LRMDA: variants seen among roughly 807,000 people sequenced by gnomAD.
The protein encoded by LRMDA is leucine-rich melanocyte differentiation-associated protein.
In LRMDA, 18 loss-of-function variants were observed where a neutral mutation model predicts 29.8. That is an observed-to-expected ratio of 0.60 (90% CI 0.42 to 0.90). LRMDA has a LOEUF of 0.90. Among genes scored for constraint, LRMDA ranks in the 40% least tolerant of loss-of-function variants. LRMDA has a pLI of 0.00. For missense variants in LRMDA, 273 were observed against 273.9 expected, an observed-to-expected ratio of 1.00 and a Z score of 0.02; for synonymous variants, 125 against 109.4, an observed-to-expected ratio of 1.14 and a Z score of -0.89.
chr10:76,132,261 G>A (rs1018150170), intron 5 of LRMDA, among the ~76,000 whole-genome samples: 5 of 152,162 alleles, frequency 3.3e-5, no homozygotes, highest in African/African-American at 9.7e-5. Context: ...AAGCAGGAAG[G>A]CAGGGTGAGA....
chr10:75,653,619 C>G (rs1316493744), intron 2 of LRMDA, among the ~76,000 whole-genome samples: 1 of 152,154 alleles, frequency 6.6e-6, no homozygotes, highest in Non-Finnish European at 1.5e-5. Flanking sequence ...GTGGGTTGCC[C>G]TTGCATGTGC....
At chr10:76,144,124 G>A (rs993631601) in intron 5 of LRMDA, among the ~76,000 whole-genome samples, 12 of 152,276 alleles carry the variant, frequency 7.9e-5, no homozygotes, top group African/African-American at 2.6e-4. Context: ...GTTAGGTAGT[G>A]TGATGCCTCC....
chr10:75,747,513 C>T (rs1424910992), intron 2 of LRMDA, among the ~76,000 whole-genome samples: 1 of 152,176 alleles, frequency 6.6e-6, no homozygotes, highest in African/African-American at 2.4e-5. Flanking sequence ...AATTGAGTAA[C>T]TACCCCTAAA....
chr10:75,616,240 TAGCAGCAGTAGCAGC>T (rs1324994105), intron 2 of LRMDA, among the ~76,000 whole-genome samples: 34 of 146,896 alleles, frequency 2.3e-4, no homozygotes, highest in Middle Eastern at 3.4e-3. Flanking sequence ...ATAGTAGCAG[TAGCAGCAGTAGCAGC>T]AGCAGCAGCA....
At chr10:76,174,965 C>CA (rs1319159693) in intron 5 of LRMDA, among the ~76,000 whole-genome samples, 1 of 152,070 alleles carries the variant, frequency 6.6e-6, no homozygotes, top group Non-Finnish European at 1.5e-5. Flanking sequence ...TACTAAAATA[C>CA]AAAAAATTAG....
At chr10:75,555,938 G>A (rs1167092845) in intron 2 of LRMDA, among the ~76,000 whole-genome samples, 1 of 152,156 alleles carries the variant, frequency 6.6e-6, no homozygotes, top group African/African-American at 2.4e-5. Context: ...TTCACTGGAT[G>A]AGCTTAATGG....
At chr10:75,571,542 T>G (rs140015937) in intron 2 of LRMDA, among the ~76,000 whole-genome samples, 213 of 152,374 alleles carry the variant, frequency 1.4e-3, no homozygotes, top group African/African-American at 5.0e-3. Flanking sequence ...ATCTGGATTA[T>G]TTAAAGGCCG....
intron 2 of LRMDA, among the ~76,000 whole-genome samples, chr10:75,622,027 C>A (rs1018639839): frequency 1.3e-5 from 2 of 152,156 alleles, no homozygotes; most frequent in African/African-American, 4.8e-5. Flanking sequence ...TCTTTAAATG[C>A]ATAAATCAAA....
At chr10:75,958,796 T>A (rs1004574703) in intron 2 of LRMDA, among the ~76,000 whole-genome samples, 3 of 152,282 alleles carry the variant, frequency 2.0e-5, no homozygotes, top group Non-Finnish European at 4.4e-5. Flanking sequence ...AGAGGTTTAA[T>A]GGACTCACAG....
chr10:75,772,048 C>G (rs143275945), intron 2 of LRMDA, among the ~76,000 whole-genome samples: 71 of 152,224 alleles, frequency 4.7e-4, no homozygotes, highest in African/African-American at 1.7e-3. Context: ...AGCTGAAACC[C>G]AAAAGGATAA....
intron 5 of LRMDA, among the ~76,000 whole-genome samples, chr10:76,264,263 G>A (rs955604939): frequency 3.3e-5 from 5 of 151,772 alleles, no homozygotes; most frequent in African/African-American, 1.2e-4. Flanking sequence ...AGTCAGGCAT[G>A]GTGGTACATG....
chr10:75,434,328 T>C (rs1279272689), intron 1 of LRMDA, among the ~76,000 whole-genome samples: 1 of 152,154 alleles, frequency 6.6e-6, no homozygotes, highest in Non-Finnish European at 1.5e-5. Context: ...GTAAGTACAA[T>C]AGGGACGATA....
intron 6 of LRMDA, among the ~76,000 whole-genome samples, chr10:76,405,333 ACCTGAGG>A (rs1841891522): frequency 6.6e-6 from 1 of 152,164 alleles, no homozygotes; most frequent in Admixed American, 6.5e-5. Context: ...CTCCTTTTGT[ACCTGAGG>A]CCAGCTTTCG....
intron 5 of LRMDA, among the ~76,000 whole-genome samples, chr10:76,210,515 A>T (rs567246654): frequency 6.6e-6 from 1 of 152,242 alleles, no homozygotes; most frequent in Non-Finnish European, 1.5e-5. Context: ...TTAATTTTTC[A>T]TCAAGGATGC....
At chr10:75,566,829 G>A (rs186493430) in intron 2 of LRMDA, among the ~76,000 whole-genome samples, 11 of 152,122 alleles carry the variant, frequency 7.2e-5, no homozygotes, top group African/African-American at 2.7e-4. Context: ...TGTCCTTCTG[G>A]AACCTCAGAA....
chr10:75,968,097 T>G (rs1846898520), intron 2 of LRMDA, among the ~76,000 whole-genome samples: 2 of 151,940 alleles, frequency 1.3e-5, no homozygotes, highest in African/African-American at 4.8e-5. Context: ...GCTTGTTGGC[T>G]CTGCAGTGGG....
At chr10:75,507,106 G>C (rs947271727) in intron 2 of LRMDA, among the ~76,000 whole-genome samples, 3 of 145,972 alleles carry the variant, frequency 2.1e-5, no homozygotes, top group Non-Finnish European at 4.6e-5. Context: ...TTGTGTTCTG[G>C]CATCTTTTTT....
chr10:76,378,457 C>G (rs1841547509), intron 6 of LRMDA, among the ~76,000 whole-genome samples: 1 of 152,098 alleles, frequency 6.6e-6, no homozygotes, highest in Non-Finnish European at 1.5e-5. Context: ...TGTTTAGTCC[C>G]AGTTCTTAGG....
At chr10:75,571,283 G>A (rs1013279093) in intron 2 of LRMDA, among the ~76,000 whole-genome samples, 3 of 152,134 alleles carry the variant, frequency 2.0e-5, no homozygotes, top group African/African-American at 7.2e-5. Flanking sequence ...ATGTATAGAG[G>A]GAATTAGGTT....
Sources: gnomAD v4.1 joint callset for allele counts (sites outside exome capture counted in the v4.1 genomes callset) on GRCh38, gnomAD v4.1.1 for gene constraint, MANE v1.5 for transcripts, NCBI Gene and HGNC (gene_info 2026-07-23, HGNC 2026-07-21) for gene names.